FAM117A: variants seen among roughly 807,000 people sequenced by gnomAD.
The protein encoded by FAM117A is family with sequence similarity 117 member A, also known as protein FAM117A.
A neutral mutation model predicts 44.1 loss-of-function variants in FAM117A; 21 were observed. The observed-to-expected ratio is 0.48, with a 90% CI of 0.34 to 0.69. The LOEUF is 0.69. Ranked by LOEUF, FAM117A falls within the 30% of genes least tolerant of loss-of-function variation. The probability of loss-of-function intolerance (pLI) is 0.01; values close to 1 mark genes in which losing one functional copy is unlikely to be tolerated. For synonymous variants in FAM117A, 220 were observed against 238.3 expected (o/e 0.92, Z 0.71); for missense variants, 498 against 589.9 (o/e 0.84, Z 1.61).
intron 5 of FAM117A, 46 bp downstream of exon 5, chr17:49,719,714 G>A (rs751055235): frequency 2.3e-5 from 35 of 1,494,624 alleles, no homozygotes; most frequent in Non-Finnish European, 2.8e-5. Context: ...CCCAGGCCAA[G>A]TGAGGCACGG....
intron 1 of FAM117A, among the ~76,000 whole-genome samples, chr17:49,754,279 G>A (rs781361313): frequency 2.0e-5 from 3 of 152,006 alleles, no homozygotes; most frequent in Non-Finnish European, 4.4e-5. Context: ...CCACGTGGGC[G>A]ACCAGACATG....
chr17:49,727,617 A>C (rs1208738743), intron 2 of FAM117A, among the ~76,000 whole-genome samples: 1 of 152,122 alleles, frequency 6.6e-6, no homozygotes, highest in Non-Finnish European at 1.5e-5. Context: ...GAGATCCCAG[A>C]GCAACATGTG....
chr17:49,714,592 T>G (rs2143690165), intron 7 of FAM117A, among the ~76,000 whole-genome samples: 1 of 150,570 alleles, frequency 6.6e-6, no homozygotes, highest in East Asian at 2.0e-4. Flanking sequence ...CCCACCTCAG[T>G]CTCCCAAAGT....
chr17:49,722,481 G>T lies in FAM117A; in HGVS notation c.462+18C>A. ...AAGAAGCCGCTACCCTAGGCAGGGAGTCAAAGTGGGTAGCTACCTCTTTTC... is the reference window on the plus strand; with the variant it reads ...AAGAAGCCGCTACCCTAGGCAGGGATTCAAAGTGGGTAGCTACCTCTTTTC... On this transcript the variant is annotated intron_variant, in intron 3 of 7. Transcript: ENST00000240364. 6.2e-7 allele frequency: 1 copy of T among 1,608,758 alleles called. No homozygotes were observed. Among genetic ancestry groups the T allele is most frequent in the Admixed American group, 1.7e-5 (1 of 59,754 alleles).
At position 49,764,049 on chromosome 17, in the gene FAM117A, G is replaced by A. The variant is rs2073735046; in HGVS notation, c.39C>T (p.Ala13=). The A allele has an allele frequency of 9.6e-7, 1 of 1,036,780 alleles. No homozygotes were observed. Among genetic ancestry groups the A allele is most frequent in the African/African-American group, 1.7e-5 (1 of 57,508 alleles). 64.2% of individuals were successfully genotyped at this position (1,036,780 alleles called of 1,614,324 possible). A position where few individuals can be genotyped will look rare whatever the true frequency, so the allele number is the denominator to read the frequency against. Residue 13 remains alanine (A), a synonymous_variant, in exon 1 of 8, where the codon GCC becomes GCT. Coordinates refer to ENST00000240364, the MANE Select transcript of FAM117A (RefSeq NM_030802.4). ...GAAAGGRGGG[A]WGPGRGGAGG... ...CGGCCCCTCCGCGCCCCGGCCCCCAGGCACCTCCGCCTCTGCCGCCCGCTG... is the reference window on the plus strand; with the variant it reads ...CGGCCCCTCCGCGCCCCGGCCCCCAAGCACCTCCGCCTCTGCCGCCCGCTG...
At position 49,786,122 on chromosome 17, in the gene FAM117A, CATTT is replaced by C. The variant is rs529427643; in HGVS notation, c.-621+2371_-621+2374del. ...CTGGTCTACTTTCAAGTACTATACA[CATTT>C]TTTTCCTTATGATCATGTTTCTATC... On this transcript the variant is annotated intron_variant, in intron 1 of 7. Transcript: ENST00000513602. Among the ~76,000 whole-genome samples the C allele has an allele frequency of 3.5e-4, 54 of 152,308 alleles. 1 individual carries two copies. Among genetic ancestry groups the C allele is most frequent in the Admixed American group, 3.1e-3 (48 of 15,302 alleles).
intron 1 of FAM117A, among the ~76,000 whole-genome samples, chr17:49,759,006 C>A (rs1018959049): frequency 3.3e-5 from 5 of 152,202 alleles, no homozygotes; most frequent in African/African-American, 7.2e-5. Flanking sequence ...GCCCACCAAC[C>A]ACTGTGGTAA....
upstream of FAM117A, chr17:49,788,688 G>C: frequency 6.0e-6 from 5 of 835,026 alleles, no homozygotes; most frequent in Middle Eastern, 3.9e-4. Flanking sequence ...TGCGCAGAAC[G>C]CTCCAGACGC....
intron 1 of FAM117A, among the ~76,000 whole-genome samples, chr17:49,752,518 C>T (rs985556073): frequency 1.1e-4 from 17 of 152,230 alleles, no homozygotes; most frequent in African/African-American, 4.1e-4. Flanking sequence ...CTGGGTTTCA[C>T]ATCATCACAC....
intron 1 of FAM117A, among the ~76,000 whole-genome samples, chr17:49,784,062 C>T (rs998693130): frequency 2.0e-5 from 3 of 152,214 alleles, no homozygotes; most frequent in Admixed American, 6.5e-5. Flanking sequence ...ATGCTGTGGC[C>T]ATCCAGGCAA....
intron 3 of FAM117A, among the ~76,000 whole-genome samples, 196 bp from the exon 4 acceptor site, chr17:49,720,632 C>T (rs1034863300): frequency 6.6e-6 from 1 of 152,206 alleles, no homozygotes; most frequent in African/African-American, 2.4e-5. Context: ...TTGGATACCT[C>T]ACTTAACTAG....
intron 1 of FAM117A, among the ~76,000 whole-genome samples, chr17:49,777,839 G>A (rs1567839546): frequency 6.6e-6 from 1 of 152,072 alleles, no homozygotes; most frequent in African/African-American, 2.4e-5. Context: ...ACCACCTTCC[G>A]GGATTTTCCC....
intron 1 of FAM117A, among the ~76,000 whole-genome samples, chr17:49,770,365 T>G (rs2073757466): frequency 6.6e-6 from 1 of 151,738 alleles, no homozygotes; most frequent in Non-Finnish European, 1.5e-5. Flanking sequence ...GAATCGACCT[T>G]GAAAAAATTA....
chr17:49,788,999 A>G (rs1214532522), upstream of FAM117A: 2 of 649,730 alleles, frequency 3.1e-6, no homozygotes, highest in Non-Finnish European at 4.8e-6. Flanking sequence ...CATACCCAAC[A>G]GAAAAATGTG....
Position 49,720,013 on chromosome 17 carries a change from T to C in FAM117A, c.574-119A>G, listed in dbSNP as rs117756043. On this transcript the variant is annotated intron_variant, in intron 4 of 7. Transcript: ENST00000240364. ...CAGAACTGAGTGAATGAAGGGTGATTTGGGGACAGTTACAGATTGCAATAG... is the reference window on the plus strand; with the variant it reads ...CAGAACTGAGTGAATGAAGGGTGATCTGGGGACAGTTACAGATTGCAATAG... 1.6e-5 allele frequency: 22 copies of C among 1,378,742 alleles called. No individual in the cohort carries two copies. The Admixed American group carries it at 3.5e-4, about 22-fold the overall frequency. 85.4% of individuals were successfully genotyped at this position (1,378,742 alleles called of 1,614,324 possible).
chr17:49,774,661 T>C (rs1482286539), intron 1 of FAM117A, among the ~76,000 whole-genome samples: 4 of 152,160 alleles, frequency 2.6e-5, no homozygotes, highest in Non-Finnish European at 5.9e-5. Context: ...CTCTGTCAAC[T>C]CTGGTATTCC....
intron 1 of FAM117A, among the ~76,000 whole-genome samples, chr17:49,754,644 AGAG>A (rs1302878947): frequency 2.0e-5 from 3 of 152,144 alleles, no homozygotes; most frequent in Non-Finnish European, 2.9e-5. Flanking sequence ...TGTGGGGTAG[AGAG>A]GAGAAGAAGG....
chr17:49,735,636 CTTTTT>C (rs2073607483), intron 1 of FAM117A, among the ~76,000 whole-genome samples: 1 of 152,014 alleles, frequency 6.6e-6, no homozygotes, highest in African/African-American at 2.4e-5. Flanking sequence ...TTTGTCTTTT[CTTTTT>C]ATTTTTTGAG....
At chr17:49,764,510 G>A (rs1259855642), upstream of FAM117A, among the ~76,000 whole-genome samples, 2 of 152,178 alleles carry the variant, frequency 1.3e-5, no homozygotes, top group African/African-American at 2.4e-5. Flanking sequence ...GCTGGGTGTA[G>A]GTTGGAGTCA....
Sources: allele counts gnomAD v4.1 joint callset (sites outside exome capture counted in the v4.1 genomes callset), GRCh38; gene constraint gnomAD v4.1.1; transcripts MANE v1.5; gene names NCBI Gene and HGNC (gene_info 2026-07-23, HGNC 2026-07-21).